Variants in EPHA6 observed in about 807,000 individuals in gnomAD.
EPHA6 encodes the protein EPH receptor A6, also known as ephrin type-A receptor 6.
Under a neutral mutation model 112.0 loss-of-function variants are expected in EPHA6, and 50 were observed. That is an observed-to-expected ratio of 0.45 (90% confidence interval 0.36 to 0.56). The LOEUF (loss-of-function observed/expected upper bound fraction) is 0.56, where lower values mean the gene tolerates loss of function less well. Ranked by LOEUF, EPHA6 falls within the 20% of genes least tolerant of loss-of-function variation. The probability of loss-of-function intolerance (pLI) is 0.00; values close to 1 mark genes in which losing one functional copy is unlikely to be tolerated. For missense variants in EPHA6, 1,280 were observed against 1,417.4 expected, an observed-to-expected ratio of 0.90 and a Z score of 1.56; for synonymous variants, 529 against 490.7, an observed-to-expected ratio of 1.08 and a Z score of -1.03.
chr3:97,277,130 C>T (rs115524893), intron 5 of EPHA6, among the ~76,000 whole-genome samples: 70 of 152,050 alleles, frequency 4.6e-4, no homozygotes, highest in Non-Finnish European at 8.7e-4. Flanking sequence ...ACAGGCGAGA[C>T]GGAAAGAAGG....
chr3:97,210,753 A>G (rs966304700), intron 3 of EPHA6, among the ~76,000 whole-genome samples: 1 of 152,182 alleles, frequency 6.6e-6, no homozygotes, highest in African/African-American at 2.4e-5. Context: ...GACTTAAGAC[A>G]ACACTGATCA....
chr3:97,647,773 CAACTGTTTTAT>C (rs1322111674), intron 14 of EPHA6, among the ~76,000 whole-genome samples: 2 of 152,124 alleles, frequency 1.3e-5, no homozygotes, highest in Non-Finnish European at 2.9e-5. Flanking sequence ...TTCACATGGA[CAACTGTTTTAT>C]AACCAGTTCC....
rs370609502 is a variant in EPHA6, at chr3:96,849,665, G to A, written c.386-17160G>A. Among the ~76,000 whole-genome samples the A allele has an allele frequency of 7.9e-5, 12 of 152,104 alleles. No homozygotes were observed. In the East Asian group the frequency reaches 1.6e-3, roughly 20 times the overall value. ...TTTTGTCATTCACAAGATCAGAGAGGCCTTAGGCATAGTGGTTAGGAACTT... is the reference window on the plus strand; with the variant it reads ...TTTTGTCATTCACAAGATCAGAGAGACCTTAGGCATAGTGGTTAGGAACTT... On this transcript the variant is annotated intron_variant, in intron 1 of 17. Transcript: ENST00000389672.
chr3:97,226,135 C>T (rs376287141), intron 3 of EPHA6, 129 bp from the exon 4 acceptor site: 4 of 623,356 alleles, frequency 6.4e-6, no homozygotes, highest in African/African-American at 3.8e-5. Flanking sequence ...ATATAGATGT[C>T]TTCTCTATGT....
chr3:96,987,482 A>C lies in EPHA6; in HGVS notation c.603A>C (p.Thr201=), dbSNP rs779430922. The C allele has an allele frequency of 4.3e-6, 7 of 1,613,960 alleles. No individual in the cohort carries two copies. The highest frequency in any genetic ancestry group is 1.1e-5 in the South Asian group (1 of 91,088). The change falls in exon 3 of 18, where the codon ACA becomes ACC. Residue 201 remains threonine (T), a synonymous_variant. Transcript: ENST00000389672. ...AQKIYVEMKF[T]LRDCNSIPWV... Reference sequence around the variant, plus strand: ...AAATTTATGTGGAAATGAAATTCACACTAAGGGATTGTAACAGCATCCCAT... The same window carrying C: ...AAATTTATGTGGAAATGAAATTCACCCTAAGGGATTGTAACAGCATCCCAT...
At chr3:97,183,887 G>A (rs1382726047) in intron 3 of EPHA6, among the ~76,000 whole-genome samples, 3 of 152,072 alleles carry the variant, frequency 2.0e-5, no homozygotes, top group African/African-American at 7.2e-5. Context: ...CAGCAGTTCA[G>A]CAACAAGATT....
In EPHA6 at chr3:96,998,450, T is replaced by A. The variant is rs2043505787; in HGVS notation, c.1114+10457T>A. ...TCTTTTGATAAAGTTCTATGAGCAG[T>A]TAAGATTTTTATTTAATGGATATTT... On this transcript the variant is annotated intron_variant, in intron 3 of 17. Transcript: ENST00000389672. Among the ~76,000 whole-genome samples the A allele has an allele frequency of 5.9e-5, 9 of 151,994 alleles. No homozygotes were observed. The South Asian group carries it at 1.7e-3, about 28-fold the overall frequency.
At position 97,244,302 on chromosome 3, in the gene EPHA6, T is replaced by A. The variant is rs1450868423; in HGVS notation, c.1606+15T>A. The stretch of plus-strand genomic sequence containing the variant: ...GGATCAAGATGGTAAGTTCCACTGC[T>A]GTTCTCTCAAAACAGACCCATAATT... On this transcript the variant is annotated intron_variant, in intron 5 of 17. Transcript: ENST00000389672. 1 of 1,608,970 alleles carries A rather than the reference T, an allele frequency of 6.2e-7. No homozygotes were observed. Among genetic ancestry groups the A allele is most frequent in the Non-Finnish European group, 8.5e-7 (1 of 1,176,024 alleles).
At chr3:97,123,493 G>A (rs2048100307) in intron 3 of EPHA6, among the ~76,000 whole-genome samples, 2 of 152,082 alleles carry the variant, frequency 1.3e-5, no homozygotes, top group African/African-American at 4.8e-5. Flanking sequence ...GTAGAAATTT[G>A]AAATTAGGAG....
chr3:96,914,387 A>C (rs2039384823), intron 2 of EPHA6, among the ~76,000 whole-genome samples: 1 of 152,160 alleles, frequency 6.6e-6, no homozygotes, highest in Non-Finnish European at 1.5e-5. Flanking sequence ...CCGTTAGTAA[A>C]TATTATCATT....
chr3:97,739,605 T>C (rs1463163251), intron 16 of EPHA6, among the ~76,000 whole-genome samples: 1 of 152,138 alleles, frequency 6.6e-6, no homozygotes, highest in African/African-American at 2.4e-5. Context: ...ATTGAAAACA[T>C]GTTGGTCATA....
intron 2 of EPHA6, among the ~76,000 whole-genome samples, chr3:96,871,063 T>G (rs2036597509): frequency 6.6e-6 from 1 of 152,048 alleles, no homozygotes; most frequent in Non-Finnish European, 1.5e-5. Context: ...GTTTTCAAAC[T>G]GATATTTAAA....
At chr3:97,534,382 T>C (rs1052784044) in intron 11 of EPHA6, among the ~76,000 whole-genome samples, 1 of 151,678 alleles carries the variant, frequency 6.6e-6, no homozygotes, top group Non-Finnish European at 1.5e-5. Context: ...CTAACCCACA[T>C]AAGGACCTTT....
At chr3:97,223,480 GA>G in intron 3 of EPHA6, among the ~76,000 whole-genome samples, 1 of 152,312 alleles carries the variant, frequency 6.6e-6, no homozygotes, top group Non-Finnish European at 1.5e-5. Flanking sequence ...GGGTGTCCAA[GA>G]TTCTGGAAAA....
chr3:97,139,206 G>C (rs752967595), intron 3 of EPHA6, among the ~76,000 whole-genome samples: 1 of 152,038 alleles, frequency 6.6e-6, no homozygotes, highest in Admixed American at 6.6e-5. Context: ...CATTACCAGG[G>C]ACACCCCAGA....
At chr3:97,587,798 T>C (rs777471239) in intron 11 of EPHA6, among the ~76,000 whole-genome samples, 5 of 152,202 alleles carry the variant, frequency 3.3e-5, no homozygotes, top group Non-Finnish European at 7.4e-5. Context: ...AATTTTCTAA[T>C]GAATATCCAA....
intron 3 of EPHA6, among the ~76,000 whole-genome samples, chr3:97,098,564 AC>A (rs1250021136): frequency 6.6e-5 from 10 of 151,928 alleles, no homozygotes; most frequent in Non-Finnish European, 1.3e-4. Flanking sequence ...ATGTTATGTG[AC>A]TAAGATTTAT....
At chr3:97,519,346 T>C (rs2092499819) in intron 10 of EPHA6, among the ~76,000 whole-genome samples, 1 of 152,204 alleles carries the variant, frequency 6.6e-6, no homozygotes, top group Admixed American at 6.5e-5. Flanking sequence ...TTCTGTTCCA[T>C]TGGTCTGTTT....
intron 1 of EPHA6, among the ~76,000 whole-genome samples, chr3:96,824,886 C>T (rs1004523635): frequency 2.6e-5 from 4 of 151,876 alleles, no homozygotes; most frequent in Admixed American, 1.3e-4. Context: ...CCAGCTCCCC[C>T]GCCCCTGCCC....
Sources: gnomAD v4.1 joint callset for allele counts (sites outside exome capture counted in the v4.1 genomes callset) on GRCh38, gnomAD v4.1.1 for gene constraint, MANE v1.5 for transcripts, NCBI Gene and HGNC (gene_info 2026-07-23, HGNC 2026-07-21) for gene names.